PLD5: variants seen among roughly 807,000 people sequenced by gnomAD.
PLD5 encodes the protein phospholipase D family member 5.
In PLD5, 36 loss-of-function variants were observed where a neutral mutation model predicts 61.1. The ratio of observed to expected loss-of-function variants is 0.59; its 90% CI spans 0.45 to 0.78. PLD5 has a LOEUF of 0.78. Among genes scored for constraint, PLD5 ranks in the 30% least tolerant of loss-of-function variants. The pLI is 0.00. For synonymous variants in PLD5, 243 were observed against 242.8 expected, an observed-to-expected ratio of 1.00 and a Z score of -0.01; for missense variants, 515 against 644.4, an observed-to-expected ratio of 0.80 and a Z score of 2.17.
At chr1:242,223,990 A>T (rs770374266) in intron 4 of PLD5, among the ~76,000 whole-genome samples, 38 of 152,260 alleles carry the variant, frequency 2.5e-4, no homozygotes, top group East Asian at 1.2e-3. Context: ...AATAATTTTC[A>T]TCCTATTGGG....
intron 6 of PLD5, among the ~76,000 whole-genome samples, chr1:242,116,775 T>C (rs962668201): frequency 6.6e-6 from 1 of 152,224 alleles, no homozygotes. Flanking sequence ...TAGTATTCCA[T>C]GGTGCATATG....
At chr1:242,288,667 T>C (rs538217457) in intron 2 of PLD5, 137 bp from the exon 3 acceptor site, 2 of 1,420,274 alleles carry the variant, frequency 1.4e-6, no homozygotes, top group Non-Finnish European at 1.8e-6. Context: ...ATAATTTACA[T>C]ATTTTTTCCA....
chr1:242,384,007 A>C (rs1662452472), intron 1 of PLD5, among the ~76,000 whole-genome samples: 1 of 152,224 alleles, frequency 6.6e-6, no homozygotes, highest in South Asian at 2.1e-4. Flanking sequence ...GCATTGCTAG[A>C]GGAATCCGCT....
chr1:242,221,026 T>A (rs1383092652), intron 4 of PLD5, among the ~76,000 whole-genome samples: 1 of 152,182 alleles, frequency 6.6e-6, no homozygotes, highest in Admixed American at 6.5e-5. Context: ...TATCTGACAG[T>A]TCTTAATTTA....
intron 4 of PLD5, among the ~76,000 whole-genome samples, chr1:242,231,405 C>A (rs570087875): frequency 3.3e-5 from 5 of 152,214 alleles, no homozygotes; most frequent in Non-Finnish European, 5.9e-5. Flanking sequence ...GATCCAGTAG[C>A]TTTGGAGGAG....
In PLD5 at chr1:242,395,061, GTATA is replaced by G. The variant is rs10550693; in HGVS notation, c.190-46823_190-46820del. ...TGTATATGTATATATGAATATATAT[GTATA>G]TATATGAATATATATGTATATATAT... On this transcript the variant is annotated intron_variant, in intron 1 of 9. Transcript: ENST00000536534. 4.7e-5 allele frequency among the ~76,000 whole-genome samples: 4 copies of G among 84,960 alleles called. No homozygotes were observed. In the East Asian group the frequency reaches 8.3e-4, roughly 18 times the overall value. 55.7% of individuals were successfully genotyped at this position (84,960 alleles called of 152,430 possible).
rs1659715232 is a variant in PLD5 at position 242,090,248 on chromosome 1, A to AATTCACACAATTGTCAACACACAATT, written c.1355-139_1355-138insAATTGTGTGTTGACAATTGTGTGAAT. Reference sequence around the variant, plus strand: ...AACGGAGAGGCTGAATTGTGTTGACAGCTCCGAAAAAAAAATCCAAGAAGC... The same window carrying AATTCACACAATTGTCAACACACAATT: ...AACGGAGAGGCTGAATTGTGTTGACAATTCACACAATTGTCAACACACAATTGCTCCGAAAAAAAAATCCAAGAAGC... On this transcript the variant is annotated intron_variant, in intron 9 of 9. Coordinates refer to ENST00000536534, the MANE Select transcript of PLD5 (RefSeq NM_001372062.1). The AATTCACACAATTGTCAACACACAATT allele has an allele frequency of 5.3e-6, 6 of 1,138,348 alleles. No homozygotes were observed. The South Asian group carries it at 9.8e-5, about 19-fold the overall frequency. The allele number at this position is 1,138,348 out of a possible 1,614,324, so 70.5% of individuals were successfully genotyped here.
intron 2 of PLD5, among the ~76,000 whole-genome samples, chr1:242,320,292 C>T (rs1658305146): frequency 6.6e-6 from 1 of 152,194 alleles, no homozygotes; most frequent in Non-Finnish European, 1.5e-5. Flanking sequence ...GCTCAAATAT[C>T]TACTTGTAGA....
intron 4 of PLD5, among the ~76,000 whole-genome samples, chr1:242,248,568 G>C (rs2917446): frequency 0.6 from 90,140 of 151,182 alleles, 27,062 homozygotes; most frequent in East Asian, 0.74. Context: ...TATCAGCCTA[G>C]TCTGTCACCC....
chr1:242,207,870 A>ATT (rs1669486884), intron 5 of PLD5, among the ~76,000 whole-genome samples: 1 of 49,370 alleles, frequency 2.0e-5, no homozygotes, highest in South Asian at 7.3e-4. Context: ...TTATATATTT[A>ATT]TATATATTTA....
At chr1:242,426,309 TAAAA>T (rs56996310) in intron 1 of PLD5, among the ~76,000 whole-genome samples, 12 of 120,054 alleles carry the variant, frequency 1.0e-4, no homozygotes, top group Non-Finnish European at 8.5e-5. Context: ...CGTTTCCAGT[TAAAA>T]AAAAAAAAAA....
chr1:242,266,367 C>A (rs538111414), intron 3 of PLD5, among the ~76,000 whole-genome samples: 6 of 152,172 alleles, frequency 3.9e-5, no homozygotes, highest in African/African-American at 1.2e-4. Context: ...GGCGACAGAA[C>A]AAGAATCCAT....
chr1:242,323,073 C>T (rs557861455), intron 2 of PLD5, among the ~76,000 whole-genome samples: 60 of 152,024 alleles, frequency 3.9e-4, no homozygotes, highest in African/African-American at 1.4e-3. Context: ...AAAATATGTA[C>T]TAAGACTACA....
At chr1:242,094,998 G>T (rs1660108549) in intron 9 of PLD5, among the ~76,000 whole-genome samples, 1 of 150,828 alleles carries the variant, frequency 6.6e-6, no homozygotes, top group African/African-American at 2.4e-5. Flanking sequence ...GAGTGCAGTG[G>T]CAATCTCGGC....
intron 5 of PLD5, among the ~76,000 whole-genome samples, chr1:242,214,313 T>A (rs7544917): frequency 0.028 from 4,322 of 152,290 alleles, 213 homozygotes; most frequent in African/African-American, 0.098. Context: ...TGGAGAATTT[T>A]TCCACTTAGC....
intron 1 of PLD5, among the ~76,000 whole-genome samples, chr1:242,383,406 C>T (rs188604143): frequency 6.6e-5 from 10 of 151,566 alleles, no homozygotes; most frequent in Middle Eastern, 3.4e-3. Context: ...ATATCAAAAC[C>T]CCTTTTCTCT....
At chr1:242,386,236 G>A (rs1236170259) in intron 1 of PLD5, among the ~76,000 whole-genome samples, 2 of 152,140 alleles carry the variant, frequency 1.3e-5, no homozygotes, top group Non-Finnish European at 2.9e-5. Flanking sequence ...TGAGGTACTT[G>A]GGGGTAGAAC....
At chr1:242,418,552 G>A (rs1664952974) in intron 1 of PLD5, among the ~76,000 whole-genome samples, 1 of 152,110 alleles carries the variant, frequency 6.6e-6, no homozygotes, top group Admixed American at 6.6e-5. Flanking sequence ...CAGCAAAGGA[G>A]ACCACAGCAA....
chr1:242,253,438 C>T (rs1270023236), intron 4 of PLD5, among the ~76,000 whole-genome samples: 1 of 151,384 alleles, frequency 6.6e-6, no homozygotes, highest in Non-Finnish European at 1.5e-5. Context: ...CTCAGCCTCC[C>T]AAGTAGCTGA....
Sources: gnomAD v4.1 joint callset for allele counts (sites outside exome capture counted in the v4.1 genomes callset) on GRCh38, gnomAD v4.1.1 for gene constraint, MANE v1.5 for transcripts, NCBI Gene and HGNC (gene_info 2026-07-23, HGNC 2026-07-21) for gene names.